The following FHOD3 variants were observed in gnomAD, a reference collection of about 807,000 sequenced individuals.
FHOD3 encodes formin homology 2 domain containing 3, also known as FH1/FH2 domain-containing protein 3.
FHOD3 carries 90 observed loss-of-function variants against 173.0 expected under a neutral mutation model. That is an observed-to-expected ratio of 0.52 (90% confidence interval 0.44 to 0.62). FHOD3 has a LOEUF of 0.62. Ranked by LOEUF, FHOD3 falls within the 20% of genes least tolerant of loss-of-function variation. The pLI is 0.00. For synonymous variants in FHOD3, 828 were observed against 823.0 expected (o/e 1.01, Z -0.10); for missense variants, 1,945 against 2,034.7 (o/e 0.96, Z 0.85).
intron 3 of FHOD3, among the ~76,000 whole-genome samples, chr18:36,474,636 G>T (rs1007680987): frequency 2.6e-5 from 4 of 152,176 alleles, no homozygotes; most frequent in Non-Finnish European, 5.9e-5. Flanking sequence ...ACAGAGTGAG[G>T]TAGGGTGGCG....
At chr18:36,747,239 A>G (rs1458046343) in intron 24 of FHOD3, 104 bp downstream of exon 24, 2 of 888,512 alleles carry the variant, frequency 2.3e-6, no homozygotes, top group Admixed American at 3.0e-5. Flanking sequence ...TTTTTTGTAC[A>G]TTCTTGGTAC....
At chr18:36,660,628 G>C (rs1033497967) in intron 14 of FHOD3, among the ~76,000 whole-genome samples, 1 of 152,204 alleles carries the variant, frequency 6.6e-6, no homozygotes, top group Non-Finnish European at 1.5e-5. Flanking sequence ...ATGGATGTTA[G>C]AAACAAGGAA....
intron 3 of FHOD3, among the ~76,000 whole-genome samples, chr18:36,430,406 G>A (rs559772946): frequency 7.9e-5 from 12 of 152,136 alleles, no homozygotes; most frequent in African/African-American, 2.9e-4. Flanking sequence ...AGTAGAGATG[G>A]GGTTTCTCCA....
At chr18:36,311,798 C>T (rs1390284472) in intron 1 of FHOD3, among the ~76,000 whole-genome samples, 2 of 152,212 alleles carry the variant, frequency 1.3e-5, no homozygotes, top group East Asian at 3.9e-4. Flanking sequence ...CACCCACGTG[C>T]CCTGCTGTGC....
rs373766430 is a variant in FHOD3, at chr18:36,757,369, A to G, written c.4426-1749A>G. Among the ~76,000 whole-genome samples the G allele has an allele frequency of 2.6e-4, 39 of 152,292 alleles. 2 individuals are homozygous for G. The East Asian group carries it at 4.4e-3, about 17-fold the overall frequency. On this transcript the variant is annotated intron_variant, in intron 25 of 28. Coordinates refer to ENST00000590592, the MANE Select transcript of FHOD3 (RefSeq NM_001281740.3). ...AAAACTACAGCCTTGGGTTTTTCCAACTCAATTATTAAGGGCTCATTGTGC... is the reference window on the plus strand; with the variant it reads ...AAAACTACAGCCTTGGGTTTTTCCAGCTCAATTATTAAGGGCTCATTGTGC...
chr18:36,762,293 C>G (rs2042916076), intron 27 of FHOD3, among the ~76,000 whole-genome samples: 1 of 152,188 alleles, frequency 6.6e-6, no homozygotes, highest in Admixed American at 6.5e-5. Context: ...AACCAAAGAG[C>G]CACAAACTGC....
intron 26 of FHOD3, among the ~76,000 whole-genome samples, chr18:36,760,145 A>G (rs2150259733): frequency 2.0e-5 from 3 of 152,284 alleles, no homozygotes; most frequent in East Asian, 3.9e-4. Flanking sequence ...CACTTTTGTA[A>G]TTCTACCATC....
intron 3 of FHOD3, among the ~76,000 whole-genome samples, chr18:36,395,446 T>G (rs2048511245): frequency 6.6e-6 from 1 of 152,244 alleles, no homozygotes; most frequent in African/African-American, 2.4e-5. Flanking sequence ...CCATCAATCT[T>G]TATGTTGATA....
chr18:36,517,035 T>C (rs1478304224), intron 5 of FHOD3, among the ~76,000 whole-genome samples: 1 of 152,032 alleles, frequency 6.6e-6, no homozygotes, highest in Non-Finnish European at 1.5e-5. Flanking sequence ...CCTTTGAGGA[T>C]GTGTCTGCTG....
chr18:36,550,417 C>G (rs1432739039), intron 5 of FHOD3, among the ~76,000 whole-genome samples: 1 of 151,614 alleles, frequency 6.6e-6, no homozygotes, highest in East Asian at 1.9e-4. Flanking sequence ...TTTCAAAGAC[C>G]TATGTTAGGT....
At chr18:36,366,726 G>GT (rs1263015891) in intron 2 of FHOD3, among the ~76,000 whole-genome samples, 1 of 152,154 alleles carries the variant, frequency 6.6e-6, no homozygotes, top group African/African-American at 2.4e-5. Context: ...GCTGATGACT[G>GT]GTTCAAATCC....
chr18:36,388,505 C>G (rs780655151), intron 3 of FHOD3, among the ~76,000 whole-genome samples: 6 of 152,168 alleles, frequency 3.9e-5, no homozygotes, highest in Non-Finnish European at 5.9e-5. Flanking sequence ...GCAGGACTTA[C>G]CTGCATGCCC....
chr18:36,308,479 A>G (rs1598647713), intron 1 of FHOD3, among the ~76,000 whole-genome samples: 1 of 152,334 alleles, frequency 6.6e-6, no homozygotes, highest in African/African-American at 2.4e-5. Flanking sequence ...GAATACCACC[A>G]GGTGGGATTC....
At position 36,670,994 on chromosome 18, in the gene FHOD3, G is replaced by A. The variant is rs2037495919; in HGVS notation, c.1836-10442G>A. Reference sequence around the variant, plus strand: ...TGAAGTTTTTCTCTGTAACTGTTGGGAACAGGCAGTACTCTCTGCCTTATA... The same window carrying A: ...TGAAGTTTTTCTCTGTAACTGTTGGAAACAGGCAGTACTCTCTGCCTTATA... On this transcript the variant is annotated intron_variant, in intron 14 of 28. Coordinates refer to ENST00000590592, the MANE Select transcript of FHOD3 (RefSeq NM_001281740.3). Among the ~76,000 whole-genome samples the A allele has an allele frequency of 2.6e-5, 4 of 152,218 alleles. No individual in the cohort carries two copies. In the South Asian group the frequency reaches 8.3e-4, roughly 32 times the overall value.
intron 20 of FHOD3, among the ~76,000 whole-genome samples, chr18:36,736,213 T>A (rs1390658316): frequency 6.6e-6 from 1 of 152,222 alleles, no homozygotes; most frequent in African/African-American, 2.4e-5. Flanking sequence ...TGCAGTGGTG[T>A]CTGGCAGGGA....
At chr18:36,334,325 C>T (rs748699857) in intron 1 of FHOD3, among the ~76,000 whole-genome samples, 8 of 152,220 alleles carry the variant, frequency 5.3e-5, no homozygotes, top group African/African-American at 9.6e-5. Flanking sequence ...AGAGGCAGCT[C>T]TTTCCATAGA....
In FHOD3 at chr18:36,615,754, C is replaced by A. The variant is rs1188851423; in HGVS notation, c.957+3659C>A. On this transcript the variant is annotated intron_variant, in intron 9 of 28. Transcript: ENST00000590592. ...TAAATTTTTCTGCACCGCTAGATCT[C>A]TAGGGAAGATATTTTCCATTTCCTT... Among the ~76,000 whole-genome samples the A allele has an allele frequency of 2.0e-5, 3 of 152,178 alleles. No homozygotes were observed. In the East Asian group the frequency reaches 5.8e-4, roughly 29 times the overall value.
At chr18:36,375,796 A>G (rs1223492861) in intron 3 of FHOD3, among the ~76,000 whole-genome samples, 1 of 152,064 alleles carries the variant, frequency 6.6e-6, no homozygotes, top group Non-Finnish European at 1.5e-5. Flanking sequence ...ATTTGGCCGG[A>G]GGTTGGAATG....
At chr18:36,363,373 G>T (rs1374442981) in intron 2 of FHOD3, among the ~76,000 whole-genome samples, 2 of 152,196 alleles carry the variant, frequency 1.3e-5, no homozygotes, top group East Asian at 3.9e-4. Flanking sequence ...TTTCATAATT[G>T]CCAAAATTTG....
Sources: allele counts gnomAD v4.1 joint callset (sites outside exome capture counted in the v4.1 genomes callset), GRCh38; gene constraint gnomAD v4.1.1; transcripts MANE v1.5; gene names NCBI Gene and HGNC (gene_info 2026-07-23, HGNC 2026-07-21).